Variants in CACNA1H observed in about 807,000 individuals in gnomAD.
CACNA1H encodes the protein calcium voltage-gated channel subunit alpha1 H.
A neutral mutation model predicts 192.5 loss-of-function variants in CACNA1H; 149 were observed. The observed-to-expected ratio is 0.77, with a 90% CI of 0.68 to 0.89. The LOEUF is 0.89. CACNA1H is among the 40% of genes least tolerant of loss of function. The pLI is 0.00. For missense variants in CACNA1H, 4,257 were observed against 3,423.5 expected (o/e 1.24, Z -6.08); for synonymous variants, 2,202 against 1,475.2 (o/e 1.49, Z -11.29).
chr16:1,204,031 A>T lies in CACNA1H; in HGVS notation c.2024A>T (p.His675Leu). ...GCAGGACTGGGCCAGGCCCCTGGCC[A>T]TCTGTCGGGCCTCAGTGTGCCCTGC... Reference protein sequence around the residue: ...GEHGLGQAPGHLSGLSVPCPL... With the variant: ...GEHGLGQAPGLLSGLSVPCPL... Residue 675 changes from histidine (H) to leucine (L), a missense_variant, in exon 10 of 35, where the codon CAT (histidine) becomes CTT (leucine). Physicochemically the swap from His to Leu is moderately conservative, Grantham distance 99. Transcript: ENST00000348261. The T allele has an allele frequency of 6.4e-7, 1 of 1,563,902 alleles. No individual in the cohort carries two copies.
chr16:1,202,412 T>C lies in CACNA1H; in HGVS notation c.1962T>C (p.Pro654=), dbSNP rs1483965262. The part of the protein sequence containing the change: ...GGHGPLSLNS[P]DPYEKIPHVV... ...ACGGCCCGTTGAGCTTGAACAGCCC[T>C]GATCCCTACGAGAAGATCCCGCATG... Residue 654 remains proline, a synonymous_variant, in exon 9 of 35, where the codon CCT becomes CCC. Transcript: ENST00000348261. 2 of 1,527,156 alleles carry C rather than the reference T, an allele frequency of 1.3e-6. No individual in the cohort carries two copies. 94.6% of individuals were successfully genotyped at this position (1,527,156 alleles called of 1,614,324 possible).
At position 1,194,867 on chromosome 16, in the gene CACNA1H, G is replaced by A. The variant is rs921634895; in HGVS notation, c.300-105G>A. The A allele has an allele frequency of 2.0e-4, 162 of 813,798 alleles. 1 individual carries two copies. The highest frequency in any genetic ancestry group is 3.1e-4 in the Non-Finnish European group (145 of 474,724). The allele number at this position is 813,798 out of a possible 1,614,324, so 50.4% of individuals were successfully genotyped here. On this transcript the variant is annotated intron_variant, in intron 2 of 34. Transcript: ENST00000348261. ...CACCCCATCCTGGACACCCCCACGCGCGCACACCCGTGGCGGGGCTCCGGC... is the reference window on the plus strand; with the variant it reads ...CACCCCATCCTGGACACCCCCACGCACGCACACCCGTGGCGGGGCTCCGGC...
chr16:1,204,106 G>T lies in CACNA1H; in HGVS notation c.2099G>T (p.Cys700Phe). ...ACACTGACCTGTGAGCTGAAGAGCT[G>T]CCCGTACTGCACCCGTGCCCTGGAG... ...AGTLTCELKS[C>F]PYCTRALEDP... The change falls in exon 10 of 35, where the codon TGC (cysteine) becomes TTC (phenylalanine). Residue 700 changes from cysteine to phenylalanine, a missense_variant. Transcript: ENST00000348261. 1 of 1,611,380 alleles carries T rather than the reference G, an allele frequency of 6.2e-7. No homozygotes were observed. Among genetic ancestry groups the T allele is most frequent in the Non-Finnish European group, 8.5e-7 (1 of 1,179,406 alleles).
chr16:1,207,699 A>T (rs903336358), intron 14 of CACNA1H, 71 bp from the exon 15 acceptor site: 147 of 1,361,798 alleles, frequency 1.1e-4, no homozygotes, highest in Non-Finnish European at 1.5e-4. Flanking sequence ...GCCAGCCCAG[A>T]CTTCTGTCCG....
chr16:1,211,237 G>A lies in CACNA1H; in HGVS notation c.4293G>A (p.Gly1431=), dbSNP rs759183838. Reference sequence around the variant, plus strand: ...TGATATCATCACTCAGGCCCATTGGGAACATCGTCCTCATCTGCTGCGCCT... The same window carrying A: ...TGATATCATCACTCAGGCCCATTGGAAACATCGTCCTCATCTGCTGCGCCT... ...ETLISSLRPI[G]NIVLICCAFF... Residue 1431 remains glycine (G), a synonymous_variant, in exon 22 of 35, where the codon GGG becomes GGA. Transcript: ENST00000348261. 2.5e-6 allele frequency: 4 copies of A among 1,613,114 alleles called. No homozygotes were observed. In the Admixed American group the frequency reaches 6.7e-5, roughly 27 times the overall value.
In CACNA1H at chr16:1,214,021, C is replaced by T. The variant is rs1969773635; in HGVS notation, c.4929+90C>T. The T allele has an allele frequency of 9.8e-6, 11 of 1,127,700 alleles. No homozygotes were observed. The South Asian group carries it at 1.1e-4, about 11-fold the overall frequency. The allele number at this position is 1,127,700 out of a possible 1,614,324, so 69.9% of individuals were successfully genotyped here. On this transcript the variant is annotated intron_variant, in intron 27 of 34. Coordinates refer to ENST00000348261, the MANE Select transcript of CACNA1H (RefSeq NM_021098.3). ...GTGGGCACAACCCTGGACCGGCGCT[C>T]CGCTGAGCCCTCGCTGGGGTTTGCG...
Position 1,153,120 on chromosome 16 carries a change from T to C in CACNA1H, c.-369T>C, listed in dbSNP as rs1388372780. 2 of 136,722 alleles carry C rather than the reference T, an allele frequency of 1.5e-5. No individual in the cohort carries two copies. Among genetic ancestry groups the C allele is most frequent in the Admixed American group, 1.4e-4 (2 of 14,098 alleles). The allele number at this position is 136,722 out of a possible 1,614,324, so 8.5% of individuals were successfully genotyped here. ...CCCCGCCGCTCAGCCCGAAGTTTCC[T>C]GCGCCGCGCGCGGACGGGCTCGAGG... On this transcript the variant is annotated 5_prime_UTR_variant, in exon 1 of 35. Transcript: ENST00000348261.
rs780651905 is a variant in CACNA1H, at chr16:1,207,064, G to C, written c.2853G>C (p.Val951=). 6.2e-7 allele frequency: 1 copy of C among 1,603,464 alleles called. No individual in the cohort carries two copies. Residue 951 remains valine (V), a synonymous_variant, in exon 13 of 35, where the codon GTG becomes GTC. Coordinates refer to ENST00000348261, the MANE Select transcript of CACNA1H (RefSeq NM_021098.3). ...FSLKTDTGDT[V]PDRKNFDSLL... ...TGAAGACAGACACCGGAGACACCGT[G>C]CCTGACAGGAAGAACTTCGACTCCC... is the stretch of plus-strand genomic sequence containing the variant.
chr16:1,216,225 C>G (rs1014082381), intron 30 of CACNA1H, among the ~76,000 whole-genome samples: 1 of 152,218 alleles, frequency 6.6e-6, no homozygotes, highest in African/African-American at 2.4e-5. Flanking sequence ...TCACTTGCCC[C>G]CTGCCTGTCT....
At position 1,205,111 on chromosome 16, in the gene CACNA1H, C is replaced by T. The variant is rs372018213; in HGVS notation, c.2452-3C>T. ...CCTGAACTGTCCCCACCTCTGCCTG[C>T]AGCCCGAGGAGCTGACTAATGCTCT... On this transcript the variant is annotated splice_polypyrimidine_tract_variant and splice_region_variant and intron_variant, in intron 10 of 34. Coordinates refer to ENST00000348261, the MANE Select transcript of CACNA1H (RefSeq NM_021098.3). 8 of 1,610,022 alleles carry T rather than the reference C, an allele frequency of 5.0e-6. No homozygotes were observed. Among genetic ancestry groups the T allele is most frequent in the South Asian group, 1.1e-5 (1 of 90,906 alleles).
chr16:1,212,928 G>T (rs572777441), intron 26 of CACNA1H, among the ~76,000 whole-genome samples: 1 of 152,342 alleles, frequency 6.6e-6, no homozygotes, highest in East Asian at 1.9e-4. Flanking sequence ...GTCGGGTGGC[G>T]GGTGGATCCT....
Position 1,202,429 on chromosome 16 carries a change from T to A in CACNA1H, c.1979T>A (p.Ile660Asn). Residue 660 changes from isoleucine (I) to asparagine (N), a missense_variant, in exon 9 of 35, where the codon ATC becomes AAC. Ile to Asn is a moderately radical substitution (Grantham distance 149). Transcript: ENST00000348261. ...AACAGCCCTGATCCCTACGAGAAGA[T>A]CCCGCATGTGGTCGGGGAGCATGGT... Reference protein sequence around the residue: ...SLNSPDPYEKIPHVVGEHGLG... With the variant: ...SLNSPDPYEKNPHVVGEHGLG... The A allele has an allele frequency of 6.6e-7, 1 of 1,508,424 alleles. No individual in the cohort carries two copies. The highest frequency in any genetic ancestry group is 8.9e-7 in the Non-Finnish European group (1 of 1,123,834). The allele number at this position is 1,508,424 out of a possible 1,614,324, so 93.4% of individuals were successfully genotyped here.
intron 2 of CACNA1H, among the ~76,000 whole-genome samples, chr16:1,168,743 G>T (rs767501957): frequency 6.6e-6 from 1 of 152,114 alleles, no homozygotes; most frequent in Non-Finnish European, 1.5e-5. Context: ...CCCACTCTGG[G>T]TGCCTTGTCC....
intron 2 of CACNA1H, among the ~76,000 whole-genome samples, chr16:1,178,279 G>A (rs1345671438): frequency 2.4e-5 from 1 of 41,162 alleles, no homozygotes; most frequent in East Asian, 4.9e-4. Context: ...GGTCCCTCCC[G>A]CCCCCTCTTT....
chr16:1,201,483 C>T (rs746120484), intron 8 of CACNA1H, among the ~76,000 whole-genome samples, 180 bp from the exon 9 acceptor site: 2 of 152,162 alleles, frequency 1.3e-5, no homozygotes, highest in African/African-American at 4.8e-5. Context: ...TACTGTATGC[C>T]GTCTGCTCCA....
Position 1,216,934 on chromosome 16 carries a change from G to A in CACNA1H, c.5247G>A (p.Val1749=), listed in dbSNP as rs760221537. ...LDTVVQALPQ[V]GNLGLLFMLL... The stretch of plus-strand genomic sequence containing the variant: ...AGCTCTGCTTCTCTCTTGTGTAGGT[G>A]GGGAACCTGGGCCTTCTTTTCATGC... Residue 1749 remains valine (V), a splice_region_variant and synonymous_variant, in exon 31 of 35, where the codon GTG becomes GTA. Transcript: ENST00000348261. 8 of 1,601,524 alleles carry A rather than the reference G, an allele frequency of 5.0e-6. No homozygotes were observed. The highest frequency in any genetic ancestry group is 1.1e-5 in the South Asian group (1 of 88,678).
chr16:1,221,749 ATAG>A lies in CACNA1H; in HGVS notation c.*758_*760del, dbSNP rs774950287. ...AGAGGGAGGGGGCGGAGCGGAATAAATAGTAACTTATTTAAGAAATGCACTTGG... is the reference window on the plus strand; with the variant it reads ...AGAGGGAGGGGGCGGAGCGGAATAAATAACTTATTTAAGAAATGCACTTGG... On this transcript the variant is annotated 3_prime_UTR_variant, in exon 35 of 35. Coordinates refer to ENST00000348261, the MANE Select transcript of CACNA1H (RefSeq NM_021098.3). 19 of 1,554,806 alleles carry A rather than the reference ATAG, an allele frequency of 1.2e-5. No homozygotes were observed. The highest frequency in any genetic ancestry group is 1.6e-5 in the Non-Finnish European group (18 of 1,147,244).
At chr16:1,173,519 CTT>C (rs1964571287) in intron 2 of CACNA1H, among the ~76,000 whole-genome samples, 1 of 152,228 alleles carries the variant, frequency 6.6e-6, no homozygotes. Flanking sequence ...TGTTTACTAA[CTT>C]AACCACAATA....
chr16:1,188,262 G>C (rs370653187), intron 2 of CACNA1H, among the ~76,000 whole-genome samples: 1 of 152,170 alleles, frequency 6.6e-6, no homozygotes, highest in Non-Finnish European at 1.5e-5. Flanking sequence ...CTGATGTTTC[G>C]GGTTGGGGTT....
Sources: allele counts gnomAD v4.1 joint callset (sites outside exome capture counted in the v4.1 genomes callset), GRCh38; gene constraint gnomAD v4.1.1; transcripts MANE v1.5; gene names NCBI Gene and HGNC (gene_info 2026-07-23, HGNC 2026-07-21).